PSG3: variants seen among roughly 807,000 people sequenced by gnomAD.
The protein encoded by PSG3 is pregnancy specific beta-1-glycoprotein 3, also known as pregnancy-specific beta-1-glycoprotein 3.
In PSG3, 61 loss-of-function variants were observed where a neutral mutation model predicts 47.5. The ratio of observed to expected loss-of-function variants is 1.28; its 90% CI spans 1.05 to 1.59. The LOEUF is 1.59. Ranked by LOEUF, PSG3 falls within the 40% of genes most tolerant of loss-of-function variation. PSG3 has a pLI of 0.00. For missense variants in PSG3, 756 were observed against 524.0 expected, an observed-to-expected ratio of 1.44 and a Z score of -4.32; for synonymous variants, 263 against 198.4, an observed-to-expected ratio of 1.33 and a Z score of -2.74.
At chr19:42,732,608 T>C in intron 3 of PSG3, 176 bp downstream of exon 3, 2 of 1,438,544 alleles carry the variant, frequency 1.4e-6, no homozygotes, top group Non-Finnish European at 1.9e-6. Flanking sequence ...TTTTCTCCTA[T>C]TGTTGATCAA....
intron 5 of PSG3, among the ~76,000 whole-genome samples, chr19:42,724,918 T>C (rs1467985971): frequency 2.0e-5 from 3 of 152,142 alleles, no homozygotes; most frequent in African/African-American, 7.2e-5. Context: ...TGAGGGGCAC[T>C]TCCTATGTGC....
intron 2 of PSG3, among the ~76,000 whole-genome samples, chr19:42,735,977 C>T (rs895444300): frequency 6.6e-6 from 1 of 152,222 alleles, no homozygotes; most frequent in Non-Finnish European, 1.5e-5. Flanking sequence ...CTCAGGCTGG[C>T]TGTCCTCACT....
chr19:42,732,750 C>G (rs752509941), intron 3 of PSG3, 34 bp downstream of exon 3: 1 of 1,614,018 alleles, frequency 6.2e-7, no homozygotes, highest in Non-Finnish European at 8.5e-7. Flanking sequence ...TTTGGGATGG[C>G]AGACTGGCTC....
Position 42,738,784 on chromosome 19 carries a change from T to A in PSG3, c.370A>T (p.Ile124Phe), listed in dbSNP as rs1407315209. 6.2e-7 allele frequency: 1 copy of A among 1,613,914 alleles called. No homozygotes were observed. The highest frequency in any genetic ancestry group is 1.3e-5 in the African/African-American group (1 of 74,892). The change falls in exon 2 of 7, where the codon ATC (isoleucine) becomes TTC (phenylalanine). Residue 124 changes from isoleucine (I) to phenylalanine (F), a missense_variant. Transcript: ENST00000327495. Reference protein sequence around the residue: ...REDAGSYTLHIVKRGDGTRGE... With the variant: ...REDAGSYTLHFVKRGDGTRGE... ...CTAGTCCCATCACCTCGCTTTACGA[T>A]GTGTAAGGTGTAGGATCCTGCGTCC...
At position 42,729,144 on chromosome 19, in the gene PSG3, A is replaced by G; in HGVS notation, c.1222T>C (p.Ser408Pro). 1.9e-6 allele frequency: 3 copies of G among 1,613,976 alleles called. No homozygotes were observed. Among genetic ancestry groups the G allele is most frequent in the Non-Finnish European group, 2.5e-6 (3 of 1,179,868 alleles). ...NSATGMESSK[S>P]MTVKVSAPSG... ...TTACCAGAGACTTTGACTGTCATGG[A>G]TTTGGAGCTTTCCATGCCAGTGGCT... The change falls in exon 5 of 7, where the codon TCC becomes CCC. Residue 408 changes from serine (S) to proline (P), a missense_variant. Ser to Pro is a moderately conservative substitution (Grantham distance 74). Transcript: ENST00000327495.
Position 42,740,413 on chromosome 19 carries a change from G to T in PSG3, c.-29C>A. ...CTCTGCTGCCTGCGTGTTCTCCTCT[G>T]TGGAGCTGAGCCTAGGATCCAGAAA... On this transcript the variant is annotated 5_prime_UTR_variant, in exon 1 of 7. Coordinates refer to ENST00000327495, the MANE Select transcript of PSG3 (RefSeq NM_021016.4). The T allele has an allele frequency of 2.5e-6, 4 of 1,613,950 alleles. No homozygotes were observed. The South Asian group carries it at 4.4e-5, about 18-fold the overall frequency.
At chr19:42,735,289 T>C (rs1417693697) in intron 2 of PSG3, among the ~76,000 whole-genome samples, 1 of 152,216 alleles carries the variant, frequency 6.6e-6, no homozygotes, top group Non-Finnish European at 1.5e-5. Context: ...TCTATTGACA[T>C]ATCCTCAAGC....
At chr19:42,732,535 C>G (rs1429571082) in intron 3 of PSG3, 2 of 895,664 alleles carry the variant, frequency 2.2e-6, no homozygotes, top group South Asian at 1.8e-5. Flanking sequence ...GAGCCTGAGA[C>G]AGTCACCTGT....
At chr19:42,724,410 A>T (rs1282129668) in intron 5 of PSG3, among the ~76,000 whole-genome samples, 1 of 152,102 alleles carries the variant, frequency 6.6e-6, no homozygotes, top group Non-Finnish European at 1.5e-5. Flanking sequence ...CATGGCAGAG[A>T]CTTGATTGAC....
intron 1 of PSG3, among the ~76,000 whole-genome samples, chr19:42,739,916 C>G (rs779719745): frequency 4.6e-5 from 7 of 152,044 alleles, no homozygotes; most frequent in African/African-American, 9.7e-5. Context: ...TATCCAGGCT[C>G]CAACAGAGAC....
rs577148794 is a variant in PSG3, at chr19:42,724,302, A to G, written c.1244-277T>C. 7.9e-5 allele frequency among the ~76,000 whole-genome samples: 12 copies of G among 152,208 alleles called. No homozygotes were observed. The South Asian group carries it at 1.2e-3, about 16-fold the overall frequency. ...TGAGAAAGGCTGATTGCTATTTTCT[A>G]TGTCATTAGAACTTGCCACCTTTGC... On this transcript the variant is annotated intron_variant, in intron 5 of 6. Coordinates refer to ENST00000327495, the MANE Select transcript of PSG3 (RefSeq NM_021016.4).
At chr19:42,730,129 G>A (rs538657595) in intron 3 of PSG3, 73 bp from the exon 4 acceptor site, 307 of 1,588,602 alleles carry the variant, frequency 1.9e-4, no homozygotes, top group Middle Eastern at 6.5e-4. Context: ...TTCAATCAGA[G>A]TTGGCATCTC....
chr19:42,727,471 A>T (rs576576030), intron 5 of PSG3, among the ~76,000 whole-genome samples: 16 of 152,370 alleles, frequency 1.1e-4, no homozygotes, highest in Non-Finnish European at 1.6e-4. Flanking sequence ...GTTTTCTCCA[A>T]GGAAGATATA....
At chr19:42,736,104 T>G (rs1467605311) in intron 2 of PSG3, among the ~76,000 whole-genome samples, 1 of 152,226 alleles carries the variant, frequency 6.6e-6, no homozygotes, top group Non-Finnish European at 1.5e-5. Context: ...GCCCAGGGAC[T>G]GCCTTTGTAA....
At position 42,729,923 on chromosome 19, in the gene PSG3, C is replaced by A. The variant is rs776940407; in HGVS notation, c.843G>T (p.Pro281=). 27 of 1,611,958 alleles carry A rather than the reference C, an allele frequency of 1.7e-5. 1 individual carries two copies. Among genetic ancestry groups the A allele is most frequent in the East Asian group, 2.2e-5 (1 of 44,900 alleles). The change falls in exon 4 of 7, where the codon CCG becomes CCT. Residue 281 remains proline (P), a synonymous_variant. Transcript: ENST00000327495. ...YIWWLNGQSL[P]VSPRVKRPIE... is the part of the protein sequence containing the mutation. ...TGGGTCGCTTTACCCTGGGACTGAC[C>A]GGGAGGCTCTGACCATTTAGCCACC...
At chr19:42,725,933 A>G (rs889640175) in intron 5 of PSG3, among the ~76,000 whole-genome samples, 4 of 151,312 alleles carry the variant, frequency 2.6e-5, no homozygotes, top group Non-Finnish European at 5.9e-5. Context: ...TGAAGCGATT[A>G]CTACCAATTC....
chr19:42,734,574 A>C (rs1055212836), intron 2 of PSG3, among the ~76,000 whole-genome samples: 1 of 152,240 alleles, frequency 6.6e-6, no homozygotes, highest in African/African-American at 2.4e-5. Context: ...CTGATGATCC[A>C]AACATCTAAG....
intron 2 of PSG3, among the ~76,000 whole-genome samples, chr19:42,737,161 G>A (rs549708787): frequency 2.4e-4 from 36 of 152,150 alleles, no homozygotes; most frequent in Non-Finnish European, 2.9e-4. Flanking sequence ...AGAACCCTCC[G>A]GTGGCCAAAG....
At chr19:42,726,569 A>T (rs552091120) in intron 5 of PSG3, among the ~76,000 whole-genome samples, 24 of 152,356 alleles carry the variant, frequency 1.6e-4, no homozygotes, top group African/African-American at 5.8e-4. Context: ...ATATTTAGGA[A>T]TGAGTTTAAC....
Sources: allele counts gnomAD v4.1 joint callset (sites outside exome capture counted in the v4.1 genomes callset), GRCh38; gene constraint gnomAD v4.1.1; transcripts MANE v1.5; gene names NCBI Gene and HGNC (gene_info 2026-07-23, HGNC 2026-07-21).